MYO9A: variants seen among roughly 807,000 people sequenced by gnomAD.
MYO9A encodes the protein myosin IXA, also known as unconventional myosin-IXa.
In MYO9A, 103 loss-of-function variants were observed where a neutral mutation model predicts 293.3. That is an observed-to-expected ratio of 0.35 (90% confidence interval 0.30 to 0.41). The LOEUF is 0.41. Ranked by LOEUF, MYO9A falls within the 10% of genes least tolerant of loss-of-function variation. The pLI, the probability that MYO9A is intolerant of heterozygous loss-of-function variation, is 1.00. For synonymous variants in MYO9A, 1,001 were observed against 1,035.7 expected (o/e 0.97, Z 0.64); for missense variants, 2,685 against 3,033.0 (o/e 0.89, Z 2.69).
chr15:71,828,491 T>C (rs1451331910), intron 40 of MYO9A, among the ~76,000 whole-genome samples: 1 of 152,198 alleles, frequency 6.6e-6, no homozygotes, highest in Non-Finnish European at 1.5e-5. Context: ...TAACTGGCTA[T>C]AGACGATACC....
Position 72,117,726 on chromosome 15 carries a change from G to A in MYO9A, c.-118C>T. The A allele has an allele frequency of 2.5e-6, 1 of 397,574 alleles. No individual in the cohort carries two copies. Among genetic ancestry groups the A allele is most frequent in the Non-Finnish European group, 4.4e-6 (1 of 225,232 alleles). 24.6% of individuals were successfully genotyped at this position (397,574 alleles called of 1,614,324 possible). ...CACCGCAGCCCCCTCCTCTTCGACG[G>A]AAGCTGCCTTCCACCCTCCGCCCCA... On this transcript the variant is annotated 5_prime_UTR_variant, in exon 1 of 42. Transcript: ENST00000356056.
intron 14 of MYO9A, among the ~76,000 whole-genome samples, chr15:71,958,235 A>G (rs1483694254): frequency 6.6e-6 from 1 of 152,080 alleles, no homozygotes; most frequent in African/African-American, 2.4e-5. Context: ...TCTTAATATG[A>G]CTGCATAATA....
At chr15:71,878,740 AT>A (rs200866619) in intron 30 of MYO9A, among the ~76,000 whole-genome samples, 24,108 of 108,024 alleles carry the variant, frequency 0.22, 3,163 homozygotes, top group Non-Finnish European at 0.32. Flanking sequence ...GAGATCTGGA[AT>A]TTTTTTTTTT....
intron 15 of MYO9A, among the ~76,000 whole-genome samples, chr15:71,940,920 CAAA>C (rs2058757183): frequency 6.6e-6 from 1 of 151,398 alleles, no homozygotes; most frequent in Non-Finnish European, 1.5e-5. Flanking sequence ...GACTCCATCT[CAAA>C]GAAGAAGGAA....
Position 71,904,969 on chromosome 15 carries a change from G to C in MYO9A, c.2723C>G (p.Ala908Gly), listed in dbSNP as rs201329337. 1.9e-4 allele frequency: 310 copies of C among 1,605,826 alleles called. 1 individual carries two copies. Among genetic ancestry groups the C allele is most frequent in the Non-Finnish European group, 2.1e-4 (252 of 1,174,740 alleles). The change falls in exon 20 of 42, where the codon GCA becomes GGA. Residue 908 changes from alanine (A) to glycine (G), a missense_variant. By Grantham distance (60) the Ala-to-Gly change is moderately conservative (BLOSUM62 0). Coordinates refer to ENST00000356056, the MANE Select transcript of MYO9A (RefSeq NM_006901.4). The stretch of plus-strand genomic sequence containing the variant: ...AATGCATTTTACAAAATATGGTTCT[G>C]CTTGACCAAGTGTTTCCATTAGCTT... ...LSKLMETLGQ[A>G]EPYFVKCIRS...
At chr15:71,929,575 T>C (rs1185292642) in intron 18 of MYO9A, among the ~76,000 whole-genome samples, 2 of 152,250 alleles carry the variant, frequency 1.3e-5, no homozygotes, top group Non-Finnish European at 2.9e-5. Context: ...TGTGTTAATA[T>C]GATAAATCAC....
chr15:72,026,183 G>A (rs545730114), intron 4 of MYO9A, among the ~76,000 whole-genome samples: 25 of 144,570 alleles, frequency 1.7e-4, no homozygotes, highest in Middle Eastern at 3.8e-3. Flanking sequence ...TGAGGCAGGA[G>A]AATGGCGTGA....
At position 71,854,481 on chromosome 15, in the gene MYO9A, T is replaced by G; in HGVS notation, c.6242A>C (p.Lys2081Thr). The change falls in exon 35 of 42, where the codon AAG (lysine) becomes ACG (threonine). Residue 2081 changes from lysine (K) to threonine (T), a missense_variant. This residue lies in a region of MYO9A where 238 missense variants were observed against 269.1 expected (regional missense o/e 0.88). Coordinates refer to ENST00000356056, the MANE Select transcript of MYO9A (RefSeq NM_006901.4). Reference protein sequence around the residue: ...EDRTVPLVVEKLINYIEMHGL... With the variant: ...EDRTVPLVVETLINYIEMHGL... ...ATGCATTTCAATGTAGTTTATGAGCTTTTCCACTACTAAAGGAACAGTTCG... is the reference window on the plus strand; with the variant it reads ...ATGCATTTCAATGTAGTTTATGAGCGTTTCCACTACTAAAGGAACAGTTCG... 10 of 1,613,722 alleles carry G rather than the reference T, an allele frequency of 6.2e-6. No individual in the cohort carries two copies. The highest frequency in any genetic ancestry group is 7.6e-6 in the Non-Finnish European group (9 of 1,179,790).
intron 18 of MYO9A, among the ~76,000 whole-genome samples, chr15:71,929,266 TTTTA>T (rs2058412700): frequency 6.6e-6 from 1 of 152,198 alleles, no homozygotes; most frequent in South Asian, 2.1e-4. Context: ...TCTGGATGCC[TTTTA>T]TTTCTTTTTA....
chr15:71,903,858 A>G, intron 21 of MYO9A, 71 bp downstream of exon 21: 1 of 1,310,740 alleles, frequency 7.6e-7, no homozygotes, highest in Non-Finnish European at 1.1e-6. Context: ...CCAAAGAAAT[A>G]ATAAGCAAGA....
At chr15:71,909,595 C>G (rs184602653) in intron 19 of MYO9A, among the ~76,000 whole-genome samples, 1 of 152,238 alleles carries the variant, frequency 6.6e-6, no homozygotes, top group East Asian at 1.9e-4. Context: ...CTTTAGTATT[C>G]CATATTAATT....
intron 26 of MYO9A, chr15:71,890,681 C>A (rs570684826): frequency 2.6e-5 from 4 of 152,250 alleles, no homozygotes; most frequent in African/African-American, 9.6e-5. Context: ...GAAACTACTA[C>A]ACTTGTTTCC....
chr15:72,050,881 T>C (rs2078540229), intron 1 of MYO9A, among the ~76,000 whole-genome samples: 1 of 152,122 alleles, frequency 6.6e-6, no homozygotes. Context: ...CTTTCCTCAT[T>C]CTTCATTTTA....
intron 31 of MYO9A, among the ~76,000 whole-genome samples, chr15:71,876,454 G>C (rs1040164245): frequency 5.5e-4 from 10 of 18,204 alleles, no homozygotes; most frequent in African/African-American, 2.6e-3. Flanking sequence ...TTTTTTTTTT[G>C]AGACGGAGTT....
intron 1 of MYO9A, among the ~76,000 whole-genome samples, chr15:72,100,689 G>A (rs1567040016): frequency 1.3e-5 from 2 of 150,622 alleles, no homozygotes; most frequent in African/African-American, 2.4e-5. Context: ...CTGCCCCGCC[G>A]CCCCGTCTGA....
At chr15:72,079,876 T>C (rs1013059537) in intron 1 of MYO9A, among the ~76,000 whole-genome samples, 15 of 152,260 alleles carry the variant, frequency 9.9e-5, no homozygotes, top group African/African-American at 3.4e-4. Context: ...GGAGACAGAT[T>C]TTTACCTGTA....
At chr15:71,916,613 G>A (rs2058019436) in intron 18 of MYO9A, 121 bp from the exon 19 acceptor site, 1 of 898,228 alleles carries the variant, frequency 1.1e-6, no homozygotes, top group Non-Finnish European at 1.7e-6. Flanking sequence ...TGACTGTAGT[G>A]AATATGAAAG....
chr15:71,912,258 GT>G (rs34858713), intron 19 of MYO9A, among the ~76,000 whole-genome samples: 152 of 145,708 alleles, frequency 1.0e-3, no homozygotes, highest in African/African-American at 1.8e-3. Context: ...AAAGAGAAAA[GT>G]TTTTTTTTTT....
chr15:72,114,455 G>A (rs2080894720), intron 1 of MYO9A: 1 of 152,226 alleles, frequency 6.6e-6, no homozygotes, highest in South Asian at 2.1e-4. Flanking sequence ...TGACAGACTG[G>A]ATGTTGGCAG....
Sources: gnomAD v4.1 joint callset for allele counts (sites outside exome capture counted in the v4.1 genomes callset) on GRCh38, gnomAD v4.1.1 for gene constraint, gnomAD v4.1.1 regional missense constraint, MANE v1.5 for transcripts, NCBI Gene and HGNC (gene_info 2026-07-23, HGNC 2026-07-21) for gene names.